Variants in NCALD observed in about 807,000 individuals in gnomAD.
The protein encoded by NCALD is neurocalcin delta, also known as neurocalcin-delta.
Under a neutral mutation model 18.6 loss-of-function variants are expected in NCALD, and 10 were observed. The ratio of observed to expected loss-of-function variants is 0.54; its 90% CI spans 0.33 to 0.91. NCALD has a LOEUF of 0.91. Ranked by LOEUF, NCALD falls within the 40% of genes least tolerant of loss-of-function variation. The pLI, the probability that NCALD is intolerant of heterozygous loss-of-function variation, is 0.03. For synonymous variants in NCALD, 88 were observed against 87.4 expected (o/e 1.01, Z -0.04); for missense variants, 184 against 247.6 (o/e 0.74, Z 1.72).
At chr8:101,898,549 G>C (rs916178250) in intron 3 of NCALD, among the ~76,000 whole-genome samples, 2 of 151,922 alleles carry the variant, frequency 1.3e-5, no homozygotes, top group African/African-American at 4.8e-5. Context: ...TTCTTTTATA[G>C]ATCATGCTGT....
intron 4 of NCALD, among the ~76,000 whole-genome samples, chr8:101,854,102 G>A (rs1042186680): frequency 6.6e-6 from 1 of 152,216 alleles, no homozygotes; most frequent in South Asian, 2.1e-4. Context: ...TGTTTAAAAT[G>A]TGAAACCTTT....
intron 4 of NCALD, among the ~76,000 whole-genome samples, chr8:101,858,361 A>G (rs1332707898): frequency 6.6e-6 from 1 of 152,158 alleles, no homozygotes; most frequent in Non-Finnish European, 1.5e-5. Context: ...GGCACCAGAT[A>G]CCTCTGAAAA....
chr8:101,915,346 T>C (rs1023910364), intron 3 of NCALD, among the ~76,000 whole-genome samples: 1 of 152,190 alleles, frequency 6.6e-6, no homozygotes, highest in Non-Finnish European at 1.5e-5. Flanking sequence ...ACACGTTCAT[T>C]CTCTAATACA....
chr8:102,122,954 C>T (rs1440277304), intron 1 of NCALD, among the ~76,000 whole-genome samples: 2 of 152,184 alleles, frequency 1.3e-5, no homozygotes, highest in Non-Finnish European at 2.9e-5. Flanking sequence ...GTTTCTTGAG[C>T]CTCCTCCCCA....
chr8:102,017,443 G>A (rs1822124235), intron 2 of NCALD, among the ~76,000 whole-genome samples: 2 of 152,200 alleles, frequency 1.3e-5, no homozygotes, highest in Admixed American at 6.5e-5. Flanking sequence ...GCTGAGCGCG[G>A]TGGCTCACGC....
intron 2 of NCALD, among the ~76,000 whole-genome samples, chr8:101,711,512 A>G (rs1293698314): frequency 6.6e-6 from 1 of 152,082 alleles, no homozygotes; most frequent in Non-Finnish European, 1.5e-5. Flanking sequence ...CAAGGAAGCT[A>G]AGAACCTTGA....
In NCALD at chr8:102,015,030, T is replaced by G. The variant is rs938852221; in HGVS notation, c.-157+5207A>C. Among the ~76,000 whole-genome samples the G allele has an allele frequency of 3.9e-5, 6 of 152,198 alleles. No homozygotes were observed. In the East Asian group the frequency reaches 1.2e-3, roughly 29 times the overall value. On this transcript the variant is annotated intron_variant, in intron 2 of 6. Coordinates refer to the NCALD transcript ENST00000311028. ...TGGTTAATATAAGCAAGCTGAAAGTTGAGGTGATGCTCCCGAGATGGCTAG... is the reference window on the plus strand; with the variant it reads ...TGGTTAATATAAGCAAGCTGAAAGTGGAGGTGATGCTCCCGAGATGGCTAG...
At chr8:101,709,681 G>A (rs562212206) in intron 2 of NCALD, among the ~76,000 whole-genome samples, 52 of 152,308 alleles carry the variant, frequency 3.4e-4, no homozygotes, top group African/African-American at 1.2e-3. Context: ...CCACTTGCTT[G>A]CTTGGTTGAT....
intron 4 of NCALD, among the ~76,000 whole-genome samples, chr8:101,844,240 C>T (rs911382435): frequency 6.6e-6 from 1 of 152,174 alleles, no homozygotes; most frequent in African/African-American, 2.4e-5. Flanking sequence ...GTCCACTTTC[C>T]CTTGAGTTCC....
intron 3 of NCALD, among the ~76,000 whole-genome samples, chr8:101,907,131 T>C (rs182305967): frequency 3.7e-4 from 57 of 152,356 alleles, no homozygotes; most frequent in African/African-American, 1.4e-3. Flanking sequence ...CGCTAAGTGC[T>C]ATTTATTTTG....
intron 2 of NCALD, among the ~76,000 whole-genome samples, chr8:101,969,450 C>T (rs1033312184): frequency 1.3e-5 from 2 of 152,206 alleles, no homozygotes; most frequent in Admixed American, 1.3e-4. Flanking sequence ...TAATTTTTAG[C>T]TTTTCAAAGC....
chr8:101,787,294 G>C (rs895154518), intron 1 of NCALD, among the ~76,000 whole-genome samples: 1 of 152,162 alleles, frequency 6.6e-6, no homozygotes, highest in African/African-American at 2.4e-5. Context: ...CAAGGCAAGT[G>C]TTCTTTTCTA....
intron 1 of NCALD, among the ~76,000 whole-genome samples, chr8:101,784,668 G>T (rs752776415): frequency 2.0e-5 from 3 of 151,966 alleles, no homozygotes; most frequent in Non-Finnish European, 4.4e-5. Flanking sequence ...GGGCATGGTG[G>T]CATACGCCTA....
intron 3 of NCALD, among the ~76,000 whole-genome samples, chr8:101,910,209 G>C (rs1217690231): frequency 1.3e-5 from 2 of 152,184 alleles, no homozygotes; most frequent in Non-Finnish European, 2.9e-5. Context: ...TCTAGGACAG[G>C]TGTGGAAGTT....
In NCALD at chr8:101,687,149, G is replaced by A. The variant is rs536434283; in HGVS notation, c.*2160C>T. Reference sequence around the variant, plus strand: ...GCTCTAGGTTCCAAGGAACAGAGTGGGTCTGGCTCAGCGAGATGTCATGAC... The same window carrying A: ...GCTCTAGGTTCCAAGGAACAGAGTGAGTCTGGCTCAGCGAGATGTCATGAC... On this transcript the variant is annotated 3_prime_UTR_variant, in exon 4 of 4. Transcript: ENST00000220931. 6 of 152,346 alleles carry A rather than the reference G, an allele frequency of 3.9e-5. No homozygotes were observed. Among genetic ancestry groups the A allele is most frequent in the South Asian group, 2.1e-4 (1 of 4,814 alleles). The allele number at this position is 152,346 out of a possible 1,614,324, so 9.4% of individuals were successfully genotyped here.
intron 2 of NCALD, among the ~76,000 whole-genome samples, chr8:101,712,406 C>T (rs943907973): frequency 1.3e-5 from 2 of 151,866 alleles, no homozygotes; most frequent in African/African-American, 4.8e-5. Flanking sequence ...TCACATATAA[C>T]AATAATAATC....
chr8:102,039,057 T>G (rs1489964139), intron 1 of NCALD, among the ~76,000 whole-genome samples: 1 of 152,176 alleles, frequency 6.6e-6, no homozygotes, highest in Non-Finnish European at 1.5e-5. Context: ...ACTTCAGGCC[T>G]ACAACTTCAA....
At chr8:101,742,694 G>A (rs1573284) in intron 1 of NCALD, among the ~76,000 whole-genome samples, 98,716 of 152,042 alleles carry the variant, frequency 0.65, 33,736 homozygotes, top group Non-Finnish European at 0.76. Flanking sequence ...TCCAGGATAC[G>A]GTACAGAACG....
rs192865718 is a variant in NCALD at position 101,867,688 on chromosome 8, G to A, written c.-20+19453C>T. 9.2e-5 allele frequency among the ~76,000 whole-genome samples: 14 copies of A among 152,192 alleles called. No individual in the cohort carries two copies. The East Asian group carries it at 1.3e-3, about 15-fold the overall frequency. On this transcript the variant is annotated intron_variant, in intron 4 of 6. Coordinates refer to the NCALD transcript ENST00000311028. ...TACAAATTGAAGGCATTGCCATATC[G>A]TGGACATTTTATTAATATTTATCTT... is the stretch of plus-strand genomic sequence containing the variant.
Sources: allele counts gnomAD v4.1 joint callset (sites outside exome capture counted in the v4.1 genomes callset), GRCh38; gene constraint gnomAD v4.1.1; transcripts MANE v1.5; gene names NCBI Gene and HGNC (gene_info 2026-07-23, HGNC 2026-07-21).